Variants in LAMA2 observed in about 807,000 individuals in gnomAD.
The protein encoded by LAMA2 is laminin subunit alpha-2.
Under a neutral mutation model 364.8 loss-of-function variants are expected in LAMA2, and 269 were observed. The ratio of observed to expected loss-of-function variants is 0.74; its 90% CI spans 0.67 to 0.82. LAMA2 has a LOEUF of 0.82. Among genes scored for constraint, LAMA2 ranks in the 40% least tolerant of loss-of-function variants. The pLI is 0.00. For missense variants in LAMA2, 3,807 were observed against 3,873.2 expected, an observed-to-expected ratio of 0.98 and a Z score of 0.45; for synonymous variants, 1,379 against 1,370.6, an observed-to-expected ratio of 1.01 and a Z score of -0.14.
Position 129,393,322 on chromosome 6 carries a change from T to C in LAMA2, c.5445+67T>C, listed in dbSNP as rs1468859199. ...GGGACTGCGGGGGCAGTGTTGAACA[T>C]GGCTGGACTATTCAAGTTGATGCAC... On this transcript the variant is annotated intron_variant, in intron 37 of 64. Coordinates refer to ENST00000421865, the MANE Select transcript of LAMA2 (RefSeq NM_000426.4). 3 of 1,162,706 alleles carry C rather than the reference T, an allele frequency of 2.6e-6. No homozygotes were observed. The African/African-American group carries it at 4.5e-5, about 18-fold the overall frequency. The allele number at this position is 1,162,706 out of a possible 1,614,324, so 72.0% of individuals were successfully genotyped here.
At chr6:128,958,727 G>A (rs1432856881) in intron 1 of LAMA2, among the ~76,000 whole-genome samples, 1 of 152,108 alleles carries the variant, frequency 6.6e-6, no homozygotes, top group East Asian at 1.9e-4. Context: ...TTGTATCTAA[G>A]TAATACCTTT....
At chr6:129,227,253 T>C (rs532194404) in intron 12 of LAMA2, among the ~76,000 whole-genome samples, 1 of 152,288 alleles carries the variant, frequency 6.6e-6, no homozygotes, top group African/African-American at 2.4e-5. Flanking sequence ...TCAAGGTTTT[T>C]AGCTTCTTTG....
intron 38 of LAMA2, 21 bp from the exon 39 acceptor site, chr6:129,402,303 G>A (rs1236030407): frequency 1.3e-6 from 2 of 1,599,090 alleles, no homozygotes; most frequent in Non-Finnish European, 1.7e-6. Context: ...TGCTTAAAAT[G>A]CCCTCTTCTC....
intron 1 of LAMA2, among the ~76,000 whole-genome samples, chr6:128,939,655 A>G (rs1003449680): frequency 5.9e-5 from 9 of 152,142 alleles, no homozygotes; most frequent in Non-Finnish European, 1.2e-4. Context: ...TCCAAAATGT[A>G]GGGTCATTTT....
chr6:129,168,640 C>G (rs376392807), intron 9 of LAMA2, among the ~76,000 whole-genome samples: 2 of 144,568 alleles, frequency 1.4e-5, no homozygotes, highest in Non-Finnish European at 3.0e-5. Context: ...ATTGACTTGG[C>G]GATGCGGGCT....
At chr6:129,419,024 A>C (rs1445954348) in intron 40 of LAMA2, among the ~76,000 whole-genome samples, 2 of 151,502 alleles carry the variant, frequency 1.3e-5, no homozygotes, top group Non-Finnish European at 2.9e-5. Context: ...CTTAAAATCT[A>C]CTCTCTTAGC....
chr6:129,231,653 CACTT>C (rs1233487689), intron 12 of LAMA2, among the ~76,000 whole-genome samples: 1 of 152,142 alleles, frequency 6.6e-6, no homozygotes, highest in Non-Finnish European at 1.5e-5. Context: ...GGCATACACA[CACTT>C]TATTCCTTTG....
intron 28 of LAMA2, among the ~76,000 whole-genome samples, chr6:129,323,504 C>T (rs941256345): frequency 1.2e-4 from 18 of 152,038 alleles, no homozygotes; most frequent in African/African-American, 4.3e-4. Context: ...TTAGAAATGC[C>T]TAATTATTAT....
rs182758771 is a variant in LAMA2 at position 129,213,713 on chromosome 6, A to T, written c.1782+20860A>T. Among the ~76,000 whole-genome samples the T allele has an allele frequency of 1.4e-4, 21 of 152,158 alleles. 1 individual carries two copies. In the East Asian group the frequency reaches 4.1e-3, roughly 29 times the overall value. ...TGTTTAGATTTTTTCCAATTTTTAA[A>T]TTTATTTTCTTGTTGTTGAGATTTA... is the stretch of plus-strand genomic sequence containing the variant. On this transcript the variant is annotated intron_variant, in intron 12 of 64. Coordinates refer to ENST00000421865, the MANE Select transcript of LAMA2 (RefSeq NM_000426.4).
At position 129,172,539 on chromosome 6, in the gene LAMA2, T is replaced by A. The variant is rs565939433; in HGVS notation, c.1307-5167T>A. 5.3e-5 allele frequency among the ~76,000 whole-genome samples: 8 copies of A among 152,318 alleles called. No individual in the cohort carries two copies. In the East Asian group the frequency reaches 1.5e-3, roughly 29 times the overall value. Reference sequence around the variant, plus strand: ...AGGAGGCAGTCTGCCCGTTCTTAGATCTCCAGCTGCGTGCTGGGAGAACCA... The same window carrying A: ...AGGAGGCAGTCTGCCCGTTCTTAGAACTCCAGCTGCGTGCTGGGAGAACCA... On this transcript the variant is annotated intron_variant, in intron 9 of 64. Coordinates refer to ENST00000421865, the MANE Select transcript of LAMA2 (RefSeq NM_000426.4).
chr6:129,091,697 C>T (rs576376809), intron 3 of LAMA2, among the ~76,000 whole-genome samples: 2 of 152,154 alleles, frequency 1.3e-5, no homozygotes, highest in Admixed American at 1.3e-4. Flanking sequence ...GGGCAAGCTC[C>T]TCCTGAACTC....
chr6:128,889,597 T>C (rs2114379278), intron 1 of LAMA2, among the ~76,000 whole-genome samples: 2 of 152,262 alleles, frequency 1.3e-5, no homozygotes, highest in East Asian at 3.9e-4. Context: ...TTTATTTTCC[T>C]TTTCCCTTAG....
chr6:129,219,863 G>GATATAGCTA (rs774784657), intron 12 of LAMA2, among the ~76,000 whole-genome samples: 1 of 143,822 alleles, frequency 7.0e-6, no homozygotes, highest in African/African-American at 2.9e-5. Context: ...AGCATTAGGA[G>GATATAGCTA]ATGCTAAATG....
At chr6:128,938,675 TCTTA>T (rs1432379547) in intron 1 of LAMA2, among the ~76,000 whole-genome samples, 1 of 152,196 alleles carries the variant, frequency 6.6e-6, no homozygotes, top group Admixed American at 6.5e-5. Flanking sequence ...GTATTCTTTC[TCTTA>T]CTTATGTTTT....
At chr6:128,950,973 T>C (rs1460493153) in intron 1 of LAMA2, among the ~76,000 whole-genome samples, 2 of 152,168 alleles carry the variant, frequency 1.3e-5, no homozygotes, top group Non-Finnish European at 2.9e-5. Context: ...TGTAAAAATA[T>C]CATGTATTTC....
At chr6:129,099,524 A>T (rs1163664137) in intron 4 of LAMA2, among the ~76,000 whole-genome samples, 1 of 151,998 alleles carries the variant, frequency 6.6e-6, no homozygotes, top group Non-Finnish European at 1.5e-5. Flanking sequence ...AATTATGTAT[A>T]TCTCCATTGA....
chr6:129,051,417 A>G (rs1003968580), intron 2 of LAMA2, among the ~76,000 whole-genome samples: 2 of 136,228 alleles, frequency 1.5e-5, no homozygotes, highest in Non-Finnish European at 3.1e-5. Context: ...GGTTCAAGCA[A>G]TTCTCCTGCC....
At chr6:129,203,901 T>C (rs1332136740) in intron 12 of LAMA2, among the ~76,000 whole-genome samples, 1 of 152,220 alleles carries the variant, frequency 6.6e-6, no homozygotes, top group Admixed American at 6.5e-5. Context: ...TACAAAGCTC[T>C]CGAAAATGTC....
chr6:129,403,323 A>G (rs1780077453), intron 39 of LAMA2, among the ~76,000 whole-genome samples: 1 of 152,196 alleles, frequency 6.6e-6, no homozygotes, highest in South Asian at 2.1e-4. Context: ...ATGAAACACA[A>G]AGCTAGGTAT....
Sources: allele counts gnomAD v4.1 joint callset (sites outside exome capture counted in the v4.1 genomes callset), GRCh38; gene constraint gnomAD v4.1.1; transcripts MANE v1.5; gene names NCBI Gene and HGNC (gene_info 2026-07-23, HGNC 2026-07-21).